SHISA6: variants seen among roughly 807,000 people sequenced by gnomAD.
The protein encoded by SHISA6 is protein shisa-6.
SHISA6 carries 22 observed loss-of-function variants against 47.9 expected under a neutral mutation model. That is an observed-to-expected ratio of 0.46 (90% CI 0.33 to 0.66). The LOEUF is 0.66. Among genes scored for constraint, SHISA6 ranks in the 30% least tolerant of loss-of-function variants. The probability of loss-of-function intolerance (pLI) is 0.02; values close to 1 mark genes in which losing one functional copy is unlikely to be tolerated. For synonymous variants in SHISA6, 388 were observed against 337.8 expected, an observed-to-expected ratio of 1.15 and a Z score of -1.63; for missense variants, 680 against 764.6, an observed-to-expected ratio of 0.89 and a Z score of 1.30.
At chr17:11,398,476 A>C (rs1437065607) in intron 3 of SHISA6, among the ~76,000 whole-genome samples, 2 of 152,270 alleles carry the variant, frequency 1.3e-5, no homozygotes, top group East Asian at 3.9e-4. Context: ...CTCATTCAGA[A>C]GACTGTTACT....
intron 3 of SHISA6, among the ~76,000 whole-genome samples, chr17:11,407,415 A>C (rs1207736712): frequency 6.6e-6 from 1 of 152,074 alleles, no homozygotes; most frequent in Non-Finnish European, 1.5e-5. Context: ...TCTCAGACCT[A>C]ACTCGACCCC....
rs143853109 is a variant in SHISA6, at chr17:11,398,743, C to A, written c.895+19234C>A. On this transcript the variant is annotated intron_variant, in intron 3 of 5. Coordinates refer to ENST00000441885, the MANE Select transcript of SHISA6 (RefSeq NM_207386.4). The stretch of plus-strand genomic sequence containing the variant: ...AAGTAGCTGGGACTACAGGTGTGTG[C>A]CACCACGCCCAGCTAATTTTTGTAT... 3.5e-3 allele frequency among the ~76,000 whole-genome samples: 527 copies of A among 152,198 alleles called. 2 individuals are homozygous for A. The highest frequency in any genetic ancestry group is 0.012 in the African/African-American group (499 of 41,518).
At chr17:11,340,767 G>T (rs1468842542) in intron 2 of SHISA6, among the ~76,000 whole-genome samples, 1 of 152,192 alleles carries the variant, frequency 6.6e-6, no homozygotes, top group Admixed American at 6.5e-5. Context: ...TAACAAGGCT[G>T]GGATCACAGA....
intron 3 of SHISA6, among the ~76,000 whole-genome samples, chr17:11,419,297 C>A (rs761340521): frequency 8.6e-5 from 13 of 151,378 alleles, no homozygotes; most frequent in Non-Finnish European, 1.6e-4. Context: ...ATGTATAGTT[C>A]CTTTCTTAAA....
At chr17:11,257,883 A>G (rs906397952) in intron 1 of SHISA6, among the ~76,000 whole-genome samples, 13 of 152,196 alleles carry the variant, frequency 8.5e-5, no homozygotes, top group Admixed American at 8.5e-4. Context: ...TCTGTCTTGT[A>G]GTTTTTATAT....
At chr17:11,244,537 T>C (rs1475224010) in intron 1 of SHISA6, among the ~76,000 whole-genome samples, 1 of 152,204 alleles carries the variant, frequency 6.6e-6, no homozygotes, top group African/African-American at 2.4e-5. Flanking sequence ...ACCACTCTTC[T>C]CACTTTGCTC....
intron 3 of SHISA6, among the ~76,000 whole-genome samples, chr17:11,531,112 C>T (rs1004478942): frequency 7.2e-5 from 11 of 151,784 alleles, no homozygotes; most frequent in Admixed American, 7.2e-4. Flanking sequence ...AGCTCAGATA[C>T]CGTTAGTGAG....
At position 11,562,381 on chromosome 17, in the gene SHISA6, T is replaced by A. The variant is rs1301140323; in HGVS notation, c.*4077T>A. The A allele has an allele frequency of 6.6e-6, 1 of 152,108 alleles. No homozygotes were observed. The highest frequency in any genetic ancestry group is 1.5e-5 in the Non-Finnish European group (1 of 68,032). The allele number at this position is 152,108 out of a possible 1,614,324, so 9.4% of individuals were successfully genotyped here. On this transcript the variant is annotated 3_prime_UTR_variant, in exon 6 of 6. Transcript: ENST00000441885. ...AAGAGCTGGCATGTTACCTCCCACA[T>A]ACATTTCCTGTCATCCTGTCCGAAT... is the stretch of plus-strand genomic sequence containing the variant.
intron 2 of SHISA6, among the ~76,000 whole-genome samples, chr17:11,361,946 C>T (rs1912302122): frequency 6.6e-6 from 1 of 152,146 alleles, no homozygotes. Flanking sequence ...CATCCAGATT[C>T]AGGGGACCTT....
At chr17:11,342,415 C>A (rs16944608) in intron 2 of SHISA6, among the ~76,000 whole-genome samples, 1 of 151,572 alleles carries the variant, frequency 6.6e-6, no homozygotes, top group African/African-American at 2.4e-5. Flanking sequence ...CAAGCTGGGA[C>A]GGTGGAGATA....
rs138088998 is a variant in SHISA6, at chr17:11,241,509, C to G, written c.87C>G (p.Arg29=). 7.5e-3 allele frequency: 8,667 copies of G among 1,149,312 alleles called. 471 individuals are homozygous for G. The African/African-American group carries it at 0.12, about 16-fold the overall frequency. The allele number at this position is 1,149,312 out of a possible 1,614,324, so 71.2% of individuals were successfully genotyped here. ...CCAGCGTCCACGGAGCCCGCGGCCG[C>G]GCCGCCAACCGGACCCTGAGTGCAG... The part of the protein sequence containing the change: ...LLPSVHGARG[R]AANRTLSAGG... The change falls in exon 1 of 6, where the codon CGC becomes CGG. Residue 29 remains arginine (R), a synonymous_variant. Transcript: ENST00000441885. This position sits in a 1 kb window ranked among gnomAD's most constrained non-coding sequence, Gnocchi z 5.5.
intron 3 of SHISA6, among the ~76,000 whole-genome samples, chr17:11,500,763 G>T (rs1286465161): frequency 6.6e-6 from 1 of 152,196 alleles, no homozygotes; most frequent in Non-Finnish European, 1.5e-5. Flanking sequence ...GCTACCTGTG[G>T]TTGGTGGCTG....
chr17:11,287,286 AAAGGAAGGAAGG>A (rs140468493), intron 2 of SHISA6, among the ~76,000 whole-genome samples: 4 of 149,854 alleles, frequency 2.7e-5, no homozygotes, highest in African/African-American at 7.4e-5. Context: ...GGAAGGAAGG[AAAGGAAGGAAGG>A]AAGGAAGGAA....
chr17:11,550,906 T>A (rs958577797), intron 3 of SHISA6, among the ~76,000 whole-genome samples: 1 of 151,918 alleles, frequency 6.6e-6, no homozygotes, highest in African/African-American at 2.4e-5. Context: ...TGGGACATAG[T>A]GAAGGAGCTA....
chr17:11,332,303 G>A (rs911011397), intron 2 of SHISA6, among the ~76,000 whole-genome samples: 6 of 151,854 alleles, frequency 4.0e-5, no homozygotes, highest in South Asian at 2.1e-4. Context: ...TGAGTCATCC[G>A]TGGGCTTTTT....
intron 4 of SHISA6, among the ~76,000 whole-genome samples, chr17:11,554,185 C>G (rs558730083): frequency 1.2e-4 from 19 of 152,296 alleles, no homozygotes; most frequent in African/African-American, 4.3e-4. Flanking sequence ...GTGGCTATTA[C>G]TCCCTCTGAG....
intron 1 of SHISA6, among the ~76,000 whole-genome samples, chr17:11,253,483 C>T (rs998953760): frequency 6.6e-6 from 1 of 152,158 alleles, no homozygotes; most frequent in Non-Finnish European, 1.5e-5. Context: ...CTTATCTATT[C>T]ATTGAAGTAG....
intron 2 of SHISA6, among the ~76,000 whole-genome samples, chr17:11,272,635 G>A (rs1372152353): frequency 1.3e-5 from 2 of 152,160 alleles, no homozygotes; most frequent in African/African-American, 2.4e-5. Context: ...TCTAAGGTGT[G>A]TCTGGTATCA....
In SHISA6 at chr17:11,261,250, C is replaced by T. The variant is rs144631842; in HGVS notation, c.639-2116C>T. The stretch of plus-strand genomic sequence containing the variant: ...GAAAGGAAGGATCCTGGAGAATGGT[C>T]ACACATGGGTGTGGGACCAGGAGCA... On this transcript the variant is annotated intron_variant, in intron 1 of 5. Coordinates refer to ENST00000441885, the MANE Select transcript of SHISA6 (RefSeq NM_207386.4). Among the ~76,000 whole-genome samples, 231 of 152,324 alleles carry T rather than the reference C, an allele frequency of 1.5e-3. 1 individual carries two copies. Among genetic ancestry groups the T allele is most frequent in the African/African-American group, 5.2e-3 (216 of 41,564 alleles).
Sources: allele counts gnomAD v4.1 joint callset (sites outside exome capture counted in the v4.1 genomes callset), GRCh38; gene constraint gnomAD v4.1.1; non-coding constraint Gnocchi (gnomAD v3.1); transcripts MANE v1.5; gene names NCBI Gene and HGNC (gene_info 2026-07-23, HGNC 2026-07-21).